Variants in ZNF629 observed in about 807,000 individuals in gnomAD.
ZNF629 encodes zinc finger protein 629.
In ZNF629, 9 loss-of-function variants were observed where a neutral mutation model predicts 59.7. That is an observed-to-expected ratio of 0.15 (90% CI 0.09 to 0.26). ZNF629 has a LOEUF of 0.26. Ranked by LOEUF, ZNF629 falls within the 10% of genes least tolerant of loss-of-function variation. ZNF629 has a pLI of 1.00. For synonymous variants in ZNF629, 509 were observed against 498.9 expected (o/e 1.02, Z -0.27); for missense variants, 853 against 1,165.4 (o/e 0.73, Z 3.90).
rs1216265509 is a variant in ZNF629 at position 30,783,953 on chromosome 16, G to A, written c.375C>T (p.Pro125=). 2 of 1,587,852 alleles carry A rather than the reference G, an allele frequency of 1.3e-6. No individual in the cohort carries two copies. The highest frequency in any genetic ancestry group is 1.1e-5 in the South Asian group (1 of 87,898). The stretch of plus-strand genomic sequence containing the variant: ...TGGGCTCGTTGGCGGGGACGACTGG[G>A]GGGCTGTTCCATGTGGTGAGAGCGC... ...QWGALTTWNS[P]PVVPANEPSL... is the part of the protein sequence containing the mutation. The change falls in exon 3 of 3, where the codon CCC becomes CCT. Residue 125 remains proline, a synonymous_variant. Transcript: ENST00000262525.
chr16:30,784,280 C>T lies in ZNF629; in HGVS notation c.74-26G>A, dbSNP rs199656002. 2.9e-4 allele frequency: 456 copies of T among 1,579,426 alleles called. 1 individual carries two copies. In the Middle Eastern group the frequency reaches 3.3e-3, roughly 12 times the overall value. On this transcript the variant is annotated intron_variant, in intron 2 of 2. Transcript: ENST00000262525. The stretch of plus-strand genomic sequence containing the variant: ...CTACAGAAAGAAAGGGAGTCTACAG[C>T]CCCCAGCCCCTTTCAGAACACGGGG...
rs777141491 is a variant in ZNF629, at chr16:30,784,137, T to C, written c.191A>G (p.Glu64Gly). ...GACAGAGGGGTCCTGGGAGGATCTC[T>C]CCAGGGACATCTCTGTTGAGTCCTT... ...ESKDSTEMSLERSSQDPSVPQ... is the reference protein window; with the variant it reads ...ESKDSTEMSLGRSSQDPSVPQ... Residue 64 changes from glutamate (E) to glycine (G), a missense_variant, in exon 3 of 3, where the codon GAG becomes GGG. By Grantham distance (98) the Glu-to-Gly change is moderately conservative. This residue lies in a region of ZNF629 where 232 missense variants were observed against 193.4 expected (regional missense o/e 1.20). Coordinates refer to ENST00000262525, the MANE Select transcript of ZNF629 (RefSeq NM_001080417.3). 1 of 1,609,452 alleles carries C rather than the reference T, an allele frequency of 6.2e-7. No homozygotes were observed. Among genetic ancestry groups the C allele is most frequent in the Non-Finnish European group, 8.5e-7 (1 of 1,178,984 alleles).
In ZNF629 at chr16:30,782,120, A is replaced by C. The variant is rs1482684153; in HGVS notation, c.2208T>G (p.His736Gln). 1 of 1,610,432 alleles carries C rather than the reference A, an allele frequency of 6.2e-7. No homozygotes were observed. ...TCTTCTGGGAGCTCTTCCCGCCTGC[A>C]TGGACTTTCTGGTGCAGCAGCAGCT... ...SSELLLHQKV[H>Q]AGGKSSQKSP... Residue 736 changes from histidine (H) to glutamine (Q), a missense_variant, in exon 3 of 3, where the codon CAT becomes CAG. Transcript: ENST00000262525.
chr16:30,782,732 G>A lies in ZNF629; in HGVS notation c.1596C>T (p.His532=). The A allele has an allele frequency of 6.2e-7, 1 of 1,613,222 alleles. No individual in the cohort carries two copies. Among genetic ancestry groups the A allele is most frequent in the Non-Finnish European group, 8.5e-7 (1 of 1,179,838 alleles). The change falls in exon 3 of 3, where the codon CAC becomes CAT. Residue 532 remains histidine, a synonymous_variant. Coordinates refer to ENST00000262525, the MANE Select transcript of ZNF629 (RefSeq NM_001080417.3). ...TCTTCCCCCTCTCATGGATCACCCG[G>A]TGCTGCTCCAGCTCGTGGGCTTCCA... is the stretch of plus-strand genomic sequence containing the variant. ...AFLEAHELEQ[H]RVIHERGKTP... is the part of the protein sequence containing the mutation.
In ZNF629 at chr16:30,784,397, T is replaced by A. The variant is rs200243542; in HGVS notation, c.73+13A>T. ...GTCTTGCCGGGACCGCAGCCCCTTC[T>A]TGTGCCCCTCACCTCTGTGAGCATC... On this transcript the variant is annotated intron_variant, in intron 2 of 2. Coordinates refer to ENST00000262525, the MANE Select transcript of ZNF629 (RefSeq NM_001080417.3). 55 of 1,561,560 alleles carry A rather than the reference T, an allele frequency of 3.5e-5. No homozygotes were observed. Among genetic ancestry groups the A allele is most frequent in the East Asian group, 2.4e-5 (1 of 42,068 alleles).
In ZNF629 at chr16:30,781,626, G is replaced by T; in HGVS notation, c.*92C>A. 1.5e-6 allele frequency: 2 copies of T among 1,301,578 alleles called. No homozygotes were observed. The highest frequency in any genetic ancestry group is 1.0e-6 in the Non-Finnish European group (1 of 980,030). 80.6% of individuals were successfully genotyped at this position (1,301,578 alleles called of 1,614,324 possible). The stretch of plus-strand genomic sequence containing the variant: ...CCTCCACTCCACTACCATCTGATAG[G>T]GTTATCCTCCCTTCCCCATGTAATT... On this transcript the variant is annotated 3_prime_UTR_variant, in exon 3 of 3. Coordinates refer to ENST00000262525, the MANE Select transcript of ZNF629 (RefSeq NM_001080417.3).
chr16:30,782,333 G>A lies in ZNF629; in HGVS notation c.1995C>T (p.Ser665=). ...GATCCAGGAAGCTCTCTCCGCAGTG[G>A]GAGCAGATGTAGGTCTTGGAGGACA... ...GLLSSKTYIC[S]HCGESFLDRS... The change falls in exon 3 of 3, where the codon TCC becomes TCT. Residue 665 remains serine (S), a synonymous_variant. Coordinates refer to ENST00000262525, the MANE Select transcript of ZNF629 (RefSeq NM_001080417.3). 1.2e-6 allele frequency: 2 copies of A among 1,600,118 alleles called. No individual in the cohort carries two copies. The highest frequency in any genetic ancestry group is 1.7e-6 in the Non-Finnish European group (2 of 1,172,836).
At chr16:30,784,373 T>G in intron 2 of ZNF629, 37 bp downstream of exon 2, 2 of 1,548,526 alleles carry the variant, frequency 1.3e-6, no homozygotes, top group Middle Eastern at 1.7e-4. Flanking sequence ...GGGACCACCG[T>G]CTTGCCGGGA....
chr16:30,784,180 C>A lies in ZNF629; in HGVS notation c.148G>T (p.Ala50Ser). The A allele has an allele frequency of 6.2e-7, 1 of 1,609,434 alleles. No homozygotes were observed. The highest frequency in any genetic ancestry group is 8.5e-7 in the Non-Finnish European group (1 of 1,178,932). Residue 50 changes from alanine (A) to serine (S), a missense_variant, in exon 3 of 3, where the codon GCT becomes TCT. Coordinates refer to ENST00000262525, the MANE Select transcript of ZNF629 (RefSeq NM_001080417.3). Reference sequence around the variant, plus strand: ...GAGTCCTTGGATTCTGGACTCTGAGCCGGGTCTCCCATGATGATCTCCTCC... The same window carrying A: ...GAGTCCTTGGATTCTGGACTCTGAGACGGGTCTCCCATGATGATCTCCTCC... The part of the protein sequence containing the change: ...SGEEIIMGDP[A>S]QSPESKDSTE...
Position 30,786,876 on chromosome 16 carries a change from C to G in ZNF629, c.-34+152G>C, listed in dbSNP as rs1038196150. ...CCAGAATCCTCGGCCCTCCGCGCCC[C>G]CCGCCCGCCCCCACCCCGGCCACAG... On this transcript the variant is annotated intron_variant, in intron 1 of 2. Coordinates refer to ENST00000262525, the MANE Select transcript of ZNF629 (RefSeq NM_001080417.3). This position sits in a 1 kb window ranked among gnomAD's most constrained non-coding sequence, Gnocchi z 4.8. Among the ~76,000 whole-genome samples, 2 of 151,694 alleles carry G rather than the reference C, an allele frequency of 1.3e-5. No homozygotes were observed. The highest frequency in any genetic ancestry group is 2.9e-5 in the Non-Finnish European group (2 of 67,850).
Position 30,780,906 on chromosome 16 carries a change from C to T in ZNF629, c.*812G>A, listed in dbSNP as rs2054274448. 6.6e-6 allele frequency: 1 copy of T among 152,164 alleles called. No individual in the cohort carries two copies. Among genetic ancestry groups the T allele is most frequent in the Non-Finnish European group, 1.5e-5 (1 of 68,036 alleles). 9.4% of individuals were successfully genotyped at this position (152,164 alleles called of 1,614,324 possible). A position where few individuals can be genotyped will look rare whatever the true frequency, so the allele number is the denominator to read the frequency against. On this transcript the variant is annotated 3_prime_UTR_variant, in exon 3 of 3. Transcript: ENST00000262525. The stretch of plus-strand genomic sequence containing the variant: ...GTGGTGGTTTCTCAGTATTCTTATA[C>T]TGACCATGTTTCTGCACCCCAAACT...
chr16:30,785,849 G>A (rs2054326835), intron 1 of ZNF629, among the ~76,000 whole-genome samples: 1 of 64,318 alleles, frequency 1.6e-5, no homozygotes, highest in Non-Finnish European at 3.8e-5. Flanking sequence ...GTTCCAAGTG[G>A]CCCCCTGGTA....
rs2054298209 is a variant in ZNF629, at chr16:30,783,026, G to A, written c.1302C>T (p.Asp434=). 5.6e-6 allele frequency: 9 copies of A among 1,613,616 alleles called. No homozygotes were observed. Among genetic ancestry groups the A allele is most frequent in the South Asian group, 1.1e-5 (1 of 91,056 alleles). ...AGCTCATGATGAAGCTCTTGCCGCA[G>A]TCGGCGCAGATGTAGGGCCGCTCGC... The part of the protein sequence containing the change: ...HRGERPYICA[D]CGKSFIMSST... Residue 434 remains aspartate (D), a synonymous_variant, in exon 3 of 3, where the codon GAC becomes GAT. Transcript: ENST00000262525.
At chr16:30,784,876 A>C (rs2054318680) in intron 1 of ZNF629, among the ~76,000 whole-genome samples, 1 of 152,096 alleles carries the variant, frequency 6.6e-6, no homozygotes, top group African/African-American at 2.4e-5. Flanking sequence ...GAAACCTGTT[A>C]TTTGCTAATC....
Position 30,781,639 on chromosome 16 carries a change from T to C in ZNF629, c.*79A>G. The C allele has an allele frequency of 4.3e-6, 6 of 1,387,032 alleles. No homozygotes were observed. The highest frequency in any genetic ancestry group is 5.7e-6 in the Non-Finnish European group (6 of 1,047,498). The allele number at this position is 1,387,032 out of a possible 1,614,324, so 85.9% of individuals were successfully genotyped here. A position where few individuals can be genotyped will look rare whatever the true frequency, so the allele number is the denominator to read the frequency against. On this transcript the variant is annotated 3_prime_UTR_variant, in exon 3 of 3. Transcript: ENST00000262525. Reference sequence around the variant, plus strand: ...ACCATCTGATAGGGTTATCCTCCCTTCCCCATGTAATTTTTTTGGGGGAAA... The same window carrying C: ...ACCATCTGATAGGGTTATCCTCCCTCCCCCATGTAATTTTTTTGGGGGAAA...
At chr16:30,785,795 C>T (rs1218201118) in intron 1 of ZNF629, among the ~76,000 whole-genome samples, 2 of 151,918 alleles carry the variant, frequency 1.3e-5, no homozygotes, top group African/African-American at 2.4e-5. Flanking sequence ...GGTCTAATGC[C>T]TTTAAAGATC....
In ZNF629 at chr16:30,786,049, G is replaced by A. The variant is rs944463584; in HGVS notation, c.-34+979C>T. On this transcript the variant is annotated intron_variant, in intron 1 of 2. Transcript: ENST00000262525. This position sits in a 1 kb window ranked among gnomAD's most constrained non-coding sequence, Gnocchi z 4.8. ...AAACTTTGGATGGCTGTGTGAGGTG[G>A]GCGCTGTGTGCACAGGGGCAGTGGG... is the stretch of plus-strand genomic sequence containing the variant. 6.6e-6 allele frequency among the ~76,000 whole-genome samples: 1 copy of A among 152,006 alleles called. No homozygotes were observed. Among genetic ancestry groups the A allele is most frequent in the Non-Finnish European group, 1.5e-5 (1 of 68,006 alleles).
Position 30,782,098 on chromosome 16 carries a change from T to G in ZNF629, c.2230A>C (p.Lys744Gln). 6.2e-7 allele frequency: 1 copy of G among 1,601,436 alleles called. No individual in the cohort carries two copies. Among genetic ancestry groups the G allele is most frequent in the Admixed American group, 1.7e-5 (1 of 58,354 alleles). ...KVHAGGKSSQKSPELGKSSSV... is the reference protein window; with the variant it reads ...KVHAGGKSSQQSPELGKSSSV... ...GAGCTCTTCCCCAGCTCTGGACTCT[T>G]CTGGGAGCTCTTCCCGCCTGCATGG... Residue 744 changes from lysine to glutamine, a missense_variant, in exon 3 of 3, where the codon AAG becomes CAG. Lys to Gln is a moderately conservative substitution (Grantham distance 53). Around this residue, in one of 3 missense-constraint regions of ZNF629, gnomAD observed 420 missense variants for 435.6 expected, o/e 0.96. Coordinates refer to ENST00000262525, the MANE Select transcript of ZNF629 (RefSeq NM_001080417.3).
At position 30,784,434 on chromosome 16, in the gene ZNF629, G is replaced by T; in HGVS notation, c.49C>A (p.Gln17Lys). Residue 17 changes from glutamine (Q) to lysine (K), a missense_variant, in exon 2 of 3, where the codon CAG (glutamine) becomes AAG (lysine). Gln to Lys is a moderately conservative substitution (Grantham distance 53). Transcript: ENST00000262525. ...LWGPDLQGPE[Q>K]SPNDAHRGAE... ...CCTCTGTGAGCATCGTTGGGGCTCT[G>T]TTCCGGACCCTGCAGATCCGGGCCC... 6.4e-7 allele frequency: 1 copy of T among 1,568,014 alleles called. No homozygotes were observed. The highest frequency in any genetic ancestry group is 1.2e-5 in the South Asian group (1 of 85,510).
Sources: gnomAD v4.1 joint callset for allele counts (sites outside exome capture counted in the v4.1 genomes callset) on GRCh38, gnomAD v4.1.1 for gene constraint, gnomAD v4.1.1 regional missense constraint, Gnocchi (gnomAD v3.1) non-coding constraint, MANE v1.5 for transcripts, NCBI Gene and HGNC (gene_info 2026-07-23, HGNC 2026-07-21) for gene names.